The following BOLL variants were observed in gnomAD, a reference collection of about 807,000 sequenced individuals.
BOLL encodes the protein boule RNA binding protein.
In BOLL, 23 loss-of-function variants were observed where a neutral mutation model predicts 44.4. The ratio of observed to expected loss-of-function variants is 0.52; its 90% confidence interval spans 0.37 to 0.73. BOLL has a LOEUF of 0.73. Ranked by LOEUF, BOLL falls within the 30% of genes least tolerant of loss-of-function variation. BOLL has a pLI of 0.00. For missense variants in BOLL, 287 were observed against 338.3 expected (o/e 0.85, Z 1.19); for synonymous variants, 97 against 110.8 (o/e 0.88, Z 0.78).
intron 10 of BOLL, among the ~76,000 whole-genome samples, chr2:197,742,794 C>T (rs916245137): frequency 2.4e-4 from 36 of 151,600 alleles, no homozygotes; most frequent in African/African-American, 8.2e-4. Flanking sequence ...TGCACATGTA[C>T]CCTAAAACTT....
Position 197,779,098 on chromosome 2 carries a change from AT to A in BOLL, c.130-33del, listed in dbSNP as rs563425923. 365 of 1,468,368 alleles carry A rather than the reference AT, an allele frequency of 2.5e-4. 4 individuals are homozygous for A. In the East Asian group the frequency reaches 7.4e-3, roughly 30 times the overall value. 91.0% of individuals were successfully genotyped at this position (1,468,368 alleles called of 1,614,324 possible). On this transcript the variant is annotated intron_variant, in intron 2 of 10. Transcript: ENST00000392296. The stretch of plus-strand genomic sequence containing the variant: ...GCATAAAAAGAAAACGTTAAAAAGC[AT>A]TTTTAGTTGATAAAAGATGAATAAT...
chr2:197,779,251 A>T (rs1433494865), intron 2 of BOLL, among the ~76,000 whole-genome samples, 185 bp from the exon 3 acceptor site: 1 of 152,036 alleles, frequency 6.6e-6, no homozygotes, highest in African/African-American at 2.4e-5. Context: ...TTTATGCAAT[A>T]GCTATGTTGT....
chr2:197,770,832 A>G (rs1689214748), intron 6 of BOLL, among the ~76,000 whole-genome samples: 1 of 152,170 alleles, frequency 6.6e-6, no homozygotes, highest in Non-Finnish European at 1.5e-5. Flanking sequence ...GGCGATCATT[A>G]AAAAGTCAGG....
At chr2:197,771,353 G>A (rs1205916364) in intron 6 of BOLL, among the ~76,000 whole-genome samples, 2 of 116,340 alleles carry the variant, frequency 1.7e-5, no homozygotes, top group African/African-American at 6.5e-5. Context: ...GTTGTGGGGT[G>A]GGGGGAGGGG....
At chr2:197,730,743 T>C (rs1452400558) in intron 10 of BOLL, among the ~76,000 whole-genome samples, 127 of 151,336 alleles carry the variant, frequency 8.4e-4, no homozygotes, top group African/African-American at 3.0e-3. Flanking sequence ...AAATAAAATC[T>C]TTTACAGACA....
Position 197,756,460 on chromosome 2 carries a change from G to A in BOLL, c.697C>T (p.Pro233Ser), listed in dbSNP as rs560852404. 1.9e-6 allele frequency: 3 copies of A among 1,611,800 alleles called. No homozygotes were observed. Among genetic ancestry groups the A allele is most frequent in the South Asian group, 2.2e-5 (2 of 90,872 alleles). Residue 233 changes from proline to serine, a missense_variant, in exon 9 of 11, where the codon CCA becomes TCA. Pro to Ser is a moderately conservative substitution (Grantham distance 74, BLOSUM62 -1). Coordinates refer to ENST00000392296, the MANE Select transcript of BOLL (RefSeq NM_033030.6). ...ACTGAAGTTTCCATCAGAGACAGTG[G>A]AGGAGGAACACATCCACCATCCTGT... ...IAQDGGCVPP[P>S]LSLMETSVPE...
chr2:197,728,224 C>A lies in BOLL; in HGVS notation c.*331G>T. 3 of 404,852 alleles carry A rather than the reference C, an allele frequency of 7.4e-6. No homozygotes were observed. The highest frequency in any genetic ancestry group is 9.8e-5 in the South Asian group (1 of 10,200). The allele number at this position is 404,852 out of a possible 1,614,324, so 25.1% of individuals were successfully genotyped here. On this transcript the variant is annotated 3_prime_UTR_variant, in exon 11 of 11. Coordinates refer to ENST00000392296, the MANE Select transcript of BOLL (RefSeq NM_033030.6). Reference sequence around the variant, plus strand: ...TTTGATAAGAAAAAATAACACAAAGCAGAGAAAATAAAAGACACCTCACTA... The same window carrying A: ...TTTGATAAGAAAAAATAACACAAAGAAGAGAAAATAAAAGACACCTCACTA...
chr2:197,729,447 C>A (rs1297112919), intron 10 of BOLL, among the ~76,000 whole-genome samples: 1 of 152,176 alleles, frequency 6.6e-6, no homozygotes, highest in Non-Finnish European at 1.5e-5. Context: ...GAAGCTCCAA[C>A]TGGGTGGAGC....
chr2:197,757,600 T>C (rs1436230221), intron 7 of BOLL, among the ~76,000 whole-genome samples, 200 bp from the exon 8 acceptor site: 1 of 152,060 alleles, frequency 6.6e-6, no homozygotes, highest in Non-Finnish European at 1.5e-5. Flanking sequence ...GAAAAAAACA[T>C]AGGTGTAAAT....
rs111464258 is a variant in BOLL at position 197,762,159 on chromosome 2, T to C, written c.552+4373A>G. On this transcript the variant is annotated intron_variant, in intron 7 of 10. Coordinates refer to ENST00000392296, the MANE Select transcript of BOLL (RefSeq NM_033030.6). ...AGGAGTTCGAGACCGGCCTGACCAA[T>C]ATGGTGAAACCCCGTCTCTACTAAA... 7.1e-3 allele frequency among the ~76,000 whole-genome samples: 1,082 copies of C among 151,900 alleles called. 22 individuals are homozygous for C. The highest frequency in any genetic ancestry group is 0.025 in the African/African-American group (1,015 of 41,410).
chr2:197,753,093 C>T (rs2106343543), intron 9 of BOLL, among the ~76,000 whole-genome samples: 1 of 152,284 alleles, frequency 6.6e-6, no homozygotes, highest in East Asian at 1.9e-4. Flanking sequence ...AGAAAACTGG[C>T]TGGCCATATG....
intron 1 of BOLL, 119 bp downstream of exon 1, chr2:197,784,937 G>A: frequency 1.0e-6 from 1 of 986,312 alleles, no homozygotes; most frequent in Non-Finnish European, 1.2e-6. Flanking sequence ...CAGCACTAGA[G>A]AGTTTATTAA....
chr2:197,762,341 C>T (rs1688797750), intron 7 of BOLL, among the ~76,000 whole-genome samples: 1 of 151,912 alleles, frequency 6.6e-6, no homozygotes, highest in Admixed American at 6.6e-5. Context: ...GAGATTCCTT[C>T]TCAAAAAGAA....
intron 3 of BOLL, among the ~76,000 whole-genome samples, chr2:197,777,327 A>T (rs1689565048): frequency 6.6e-6 from 1 of 151,848 alleles, no homozygotes; most frequent in Non-Finnish European, 1.5e-5. Flanking sequence ...AACCCCTGAG[A>T]TCTTGAAACA....
At chr2:197,761,470 A>T (rs141186005) in intron 7 of BOLL, among the ~76,000 whole-genome samples, 151 of 152,344 alleles carry the variant, frequency 9.9e-4, no homozygotes, top group African/African-American at 3.4e-3. Context: ...GACAAAAAGA[A>T]GAAAAGAATC....
chr2:197,773,762 T>C (rs1689377085), intron 5 of BOLL, among the ~76,000 whole-genome samples: 1 of 151,872 alleles, frequency 6.6e-6, no homozygotes, highest in Admixed American at 6.6e-5. Flanking sequence ...CAAAATAAGC[T>C]GAGCATAAGA....
intron 1 of BOLL, chr2:197,784,751 A>G: frequency 5.1e-6 from 5 of 987,610 alleles, no homozygotes; most frequent in Non-Finnish European, 6.0e-6. Flanking sequence ...AATGTTAGCA[A>G]TAGCAAGGCT....
intron 9 of BOLL, among the ~76,000 whole-genome samples, chr2:197,747,897 AAAAC>A (rs1418339922): frequency 6.6e-6 from 1 of 152,174 alleles, no homozygotes. Context: ...AAACCTGACA[AAAAC>A]AAGCAATGGG....
At chr2:197,772,264 C>G (rs1288025720) in intron 5 of BOLL, among the ~76,000 whole-genome samples, 5 of 151,920 alleles carry the variant, frequency 3.3e-5, no homozygotes, top group Non-Finnish European at 1.5e-5. Flanking sequence ...ATTCCAACAC[C>G]AGTATGCTAC....
Sources: allele counts gnomAD v4.1 joint callset (sites outside exome capture counted in the v4.1 genomes callset), GRCh38; gene constraint gnomAD v4.1.1; transcripts MANE v1.5; gene names NCBI Gene and HGNC (gene_info 2026-07-23, HGNC 2026-07-21).